ALMS1: variants seen among roughly 807,000 people sequenced by gnomAD.
ALMS1 encodes the protein ALMS1 centrosome and basal body associated protein, also known as centrosome-associated protein ALMS1.
In ALMS1, 271 loss-of-function variants were observed where a neutral mutation model predicts 352.2. The ratio of observed to expected loss-of-function variants is 0.77; its 90% CI spans 0.70 to 0.85. ALMS1 has a LOEUF of 0.85. ALMS1 is among the 40% of genes least tolerant of loss of function. ALMS1 has a pLI of 0.00. For missense variants in ALMS1, 5,445 were observed against 4,870.7 expected, an observed-to-expected ratio of 1.12 and a Z score of -3.51; for synonymous variants, 1,865 against 1,761.2, an observed-to-expected ratio of 1.06 and a Z score of -1.48.
At position 73,549,372 on chromosome 2, in the gene ALMS1, T is replaced by C. The variant is rs552485324; in HGVS notation, c.9908-895T>C. ...TCTGGAAACATAGCTAAATATATTA[T>C]TATTTTGTTGAAAAATCTTCCGTTA... On this transcript the variant is annotated intron_variant, in intron 12 of 22. Coordinates refer to ENST00000613296, the MANE Select transcript of ALMS1 (RefSeq NM_001378454.1). Among the ~76,000 whole-genome samples the C allele has an allele frequency of 3.3e-5, 5 of 152,364 alleles. No homozygotes were observed. The South Asian group carries it at 1.0e-3, about 32-fold the overall frequency.
At position 73,534,862 on chromosome 2, in the gene ALMS1, A is replaced by G; in HGVS notation, c.9820A>G (p.Thr3274Ala). ...ATTGCCATATAAGCCTTCTGGTAGTACCAAGATGTATTATGTTCCACAATT... is the reference window on the plus strand; with the variant it reads ...ATTGCCATATAAGCCTTCTGGTAGTGCCAAGATGTATTATGTTCCACAATT... The part of the protein sequence containing the change: ...LLLPYKPSGS[T>A]KMYYVPQLRQ... The change falls in exon 12 of 23, where the codon ACC becomes GCC. Residue 3274 changes from threonine to alanine, a missense_variant. Physicochemically the swap from Thr to Ala is moderately conservative, Grantham distance 58. Transcript: ENST00000613296. 1 of 1,613,706 alleles carries G rather than the reference A, an allele frequency of 6.2e-7. No homozygotes were observed.
At chr2:73,501,864 A>G (rs555639397) in intron 10 of ALMS1, among the ~76,000 whole-genome samples, 19 of 152,194 alleles carry the variant, frequency 1.2e-4, no homozygotes, top group African/African-American at 4.6e-4. Flanking sequence ...GTAGATTGAC[A>G]TTTGAATTTT....
intron 3 of ALMS1, among the ~76,000 whole-genome samples, chr2:73,421,613 G>A (rs979845807): frequency 1.3e-5 from 2 of 152,194 alleles, no homozygotes; most frequent in Non-Finnish European, 2.9e-5. Flanking sequence ...AGTGTAGCAG[G>A]TACTTTGCTA....
chr2:73,446,886 C>T (rs1671819891), intron 7 of ALMS1, among the ~76,000 whole-genome samples: 1 of 152,148 alleles, frequency 6.6e-6, no homozygotes, highest in African/African-American at 2.4e-5. Flanking sequence ...TTGAGAAGCA[C>T]TGTTACATGG....
chr2:73,385,758 A>G (rs1228761143), upstream of ALMS1: 2 of 539,548 alleles, frequency 3.7e-6, no homozygotes, highest in Non-Finnish European at 3.3e-6. Flanking sequence ...GGCCCCGCCC[A>G]GGCGGGCGGC....
chr2:73,592,701 A>G (rs550562534), intron 16 of ALMS1, among the ~76,000 whole-genome samples: 1 of 152,144 alleles, frequency 6.6e-6, no homozygotes, highest in African/African-American at 2.4e-5. Flanking sequence ...CCTATGTTGG[A>G]TATGTTTTTC....
At chr2:73,422,795 T>C in intron 3 of ALMS1, 62 bp from the exon 4 acceptor site, 2 of 1,331,496 alleles carry the variant, frequency 1.5e-6, no homozygotes, top group Non-Finnish European at 2.2e-6. Flanking sequence ...TAAAGTATTA[T>C]ATACGTAAGT....
Position 73,408,864 on chromosome 2 carries a change from CTTTTTTTTTTT to C in ALMS1, c.450+133_450+143del, listed in dbSNP as rs58686365. On this transcript the variant is annotated intron_variant, in intron 2 of 22. Transcript: ENST00000613296. ...ATTCATTAATATTATGTTTTCTTGT[CTTTTTTTTTTT>C]TTTTTTTTTTTTTTTAAGACAGGGT... 1.1e-3 allele frequency: 201 copies of C among 188,514 alleles called. 1 individual carries two copies. Among genetic ancestry groups the C allele is most frequent in the Admixed American group, 6.1e-3 (64 of 10,544 alleles). The allele number at this position is 188,514 out of a possible 1,614,324, so 11.7% of individuals were successfully genotyped here.
At chr2:73,488,172 G>A (rs780389) in intron 9 of ALMS1, among the ~76,000 whole-genome samples, 19,645 of 152,054 alleles carry the variant, frequency 0.13, 1,342 homozygotes, top group East Asian at 0.22. Context: ...GGTACCCATG[G>A]CACACCCAGG....
At chr2:73,392,620 T>G (rs1487633717) in intron 1 of ALMS1, among the ~76,000 whole-genome samples, 7 of 152,340 alleles carry the variant, frequency 4.6e-5, no homozygotes, top group Non-Finnish European at 1.0e-4. Flanking sequence ...GTGACTGGGC[T>G]TCTTTCACTT....
At position 73,450,015 on chromosome 2, in the gene ALMS1, A is replaced by T. The variant is rs779096125; in HGVS notation, c.3488A>T (p.His1163Leu). ...IFHQQALPGTHIPEEAQKVSA... is the reference protein window; with the variant it reads ...IFHQQALPGTLIPEEAQKVSA... ...CACCAGCAGGCCTTGCCAGGTACTC[A>T]TATACCTGAAGAGGCTCAGAAAGTT... The change falls in exon 8 of 23, where the codon CAT becomes CTT. Residue 1163 changes from histidine to leucine, a missense_variant. Physicochemically the swap from His to Leu is moderately conservative, Grantham distance 99 (BLOSUM62 -3). Transcript: ENST00000613296. 13 of 1,613,912 alleles carry T rather than the reference A, an allele frequency of 8.1e-6. No homozygotes were observed. Among genetic ancestry groups the T allele is most frequent in the Non-Finnish European group, 1.1e-5 (13 of 1,179,956 alleles).
chr2:73,521,840 T>A (rs183793048), intron 11 of ALMS1, among the ~76,000 whole-genome samples: 1 of 152,358 alleles, frequency 6.6e-6, no homozygotes, highest in East Asian at 1.9e-4. Context: ...TATAAACTTT[T>A]TATCAAAGAA....
intron 11 of ALMS1, among the ~76,000 whole-genome samples, chr2:73,532,459 T>TA (rs1375153279): frequency 1.3e-5 from 2 of 152,182 alleles, no homozygotes; most frequent in African/African-American, 4.8e-5. Flanking sequence ...AAAAAGTTCT[T>TA]ATTCTTTCCT....
intron 9 of ALMS1, chr2:73,458,358 T>C (rs1189921451): frequency 6.6e-6 from 1 of 152,204 alleles, no homozygotes; most frequent in Non-Finnish European, 1.5e-5. Context: ...TAACAATTTA[T>C]TCACTACCCT....
chr2:73,435,362 A>G (rs1671585524), intron 7 of ALMS1, among the ~76,000 whole-genome samples: 1 of 151,848 alleles, frequency 6.6e-6, no homozygotes, highest in African/African-American at 2.4e-5. Flanking sequence ...TTCTAGTATG[A>G]CACTTTCAGT....
chr2:73,603,471 A>G (rs545655273), intron 21 of ALMS1, 167 bp downstream of exon 21: 24 of 661,256 alleles, frequency 3.6e-5, no homozygotes, highest in South Asian at 3.0e-4. Flanking sequence ...AAAAAAGCAC[A>G]TCATGGTATG....
In ALMS1 at chr2:73,452,532, A is replaced by G. The variant is rs1290068130; in HGVS notation, c.6005A>G (p.His2002Arg). ...GAGAAACTCAAGATTTCAACTGTGCATATACCAGATGACCAGAAAACTGAG... is the reference window on the plus strand; with the variant it reads ...GAGAAACTCAAGATTTCAACTGTGCGTATACCAGATGACCAGAAAACTGAG... Reference protein sequence around the residue: ...HKEKLKISTVHIPDDQKTEFP... With the variant: ...HKEKLKISTVRIPDDQKTEFP... Residue 2002 changes from histidine to arginine, a missense_variant, in exon 8 of 23, where the codon CAT becomes CGT. By Grantham distance (29) the His-to-Arg change is conservative (BLOSUM62 0). Coordinates refer to ENST00000613296, the MANE Select transcript of ALMS1 (RefSeq NM_001378454.1). 4.3e-6 allele frequency: 7 copies of G among 1,613,938 alleles called. No homozygotes were observed. Among genetic ancestry groups the G allele is most frequent in the South Asian group, 1.1e-5 (1 of 91,086 alleles).
intron 8 of ALMS1, 128 bp from the exon 9 acceptor site, chr2:73,455,034 T>G (rs1396964169): frequency 2.8e-6 from 3 of 1,062,650 alleles, no homozygotes; most frequent in Non-Finnish European, 1.4e-6. Flanking sequence ...TTGTCATAAT[T>G]GAGAAGAAGA....
Position 73,451,083 on chromosome 2 carries a change from C to T in ALMS1, c.4556C>T (p.Thr1519Ile), listed in dbSNP as rs921247590. The change falls in exon 8 of 23, where the codon ACC becomes ATC. Residue 1519 changes from threonine to isoleucine, a missense_variant. Transcript: ENST00000613296. ...VGQTTGAPTITSPSYSQHRAK... is the reference protein window; with the variant it reads ...VGQTTGAPTIISPSYSQHRAK... ...CAGACAACTGGCGCACCAACTATAA[C>T]CTCTCCTTCCTACTCACAACATAGA... 1.2e-6 allele frequency: 2 copies of T among 1,613,584 alleles called. No individual in the cohort carries two copies. Among genetic ancestry groups the T allele is most frequent in the African/African-American group, 2.7e-5 (2 of 74,774 alleles).
Sources: gnomAD v4.1 joint callset for allele counts (sites outside exome capture counted in the v4.1 genomes callset) on GRCh38, gnomAD v4.1.1 for gene constraint, MANE v1.5 for transcripts, NCBI Gene and HGNC (gene_info 2026-07-23, HGNC 2026-07-21) for gene names.